The following UTRN variants were observed in gnomAD, a reference collection of about 807,000 sequenced individuals.
UTRN encodes the protein dystrophin-related protein 1.
In UTRN, 283 loss-of-function variants were observed where a neutral mutation model predicts 463.9. That is an observed-to-expected ratio of 0.61 (90% CI 0.55 to 0.67). The LOEUF (loss-of-function observed/expected upper bound fraction) is 0.67. Among genes scored for constraint, UTRN ranks in the 30% least tolerant of loss-of-function variants. The pLI, the probability that UTRN is intolerant of heterozygous loss-of-function variation, is 0.00. For missense variants in UTRN, 3,922 were observed against 4,084.3 expected (o/e 0.96, Z 1.08); for synonymous variants, 1,442 against 1,431.5 (o/e 1.01, Z -0.17).
chr6:144,575,559 GAGAA>G (rs1359959214), intron 50 of UTRN, among the ~76,000 whole-genome samples: 4 of 152,140 alleles, frequency 2.6e-5, no homozygotes, highest in Non-Finnish European at 5.9e-5. Flanking sequence ...AAGAAATCTT[GAGAA>G]AGAGAGAGAT....
Position 144,554,572 on chromosome 6 carries a change from A to G in UTRN, c.6929-116A>G, listed in dbSNP as rs922204137. The G allele has an allele frequency of 3.9e-6, 4 of 1,028,178 alleles. No individual in the cohort carries two copies. The African/African-American group carries it at 6.5e-5, about 17-fold the overall frequency. 63.7% of individuals were successfully genotyped at this position (1,028,178 alleles called of 1,614,324 possible). A position where few individuals can be genotyped will look rare whatever the true frequency, so the allele number is the denominator to read the frequency against. On this transcript the variant is annotated intron_variant, in intron 48 of 74. Transcript: ENST00000367545. The stretch of plus-strand genomic sequence containing the variant: ...AAAATTCCTTCAAAATGTGTTTATC[A>G]GCTTGCCTTCTTCTGTTTATAGACT...
At chr6:144,568,351 GA>G (rs953245342) in intron 50 of UTRN, among the ~76,000 whole-genome samples, 2 of 152,126 alleles carry the variant, frequency 1.3e-5, no homozygotes, top group East Asian at 3.9e-4. Flanking sequence ...AAAAGATTTA[GA>G]AAAAAATTTC....
intron 2 of UTRN, among the ~76,000 whole-genome samples, chr6:144,352,049 G>A (rs1168396421): frequency 1.3e-5 from 2 of 152,058 alleles, no homozygotes; most frequent in African/African-American, 4.8e-5. Context: ...TGTGCCTTTA[G>A]CTTCTCCTTG....
chr6:144,443,314 A>G (rs1326992874), intron 13 of UTRN, among the ~76,000 whole-genome samples: 1 of 152,160 alleles, frequency 6.6e-6, no homozygotes, highest in Non-Finnish European at 1.5e-5. Flanking sequence ...AGTTATTATA[A>G]CCTGAGAGCT....
intron 51 of UTRN, among the ~76,000 whole-genome samples, chr6:144,583,005 T>C (rs1802121037): frequency 6.6e-6 from 1 of 152,188 alleles, no homozygotes; most frequent in African/African-American, 2.4e-5. Context: ...AGTGAACATA[T>C]CCCTCTTTAG....
At chr6:144,577,555 A>C (rs974791090) in intron 51 of UTRN, among the ~76,000 whole-genome samples, 1 of 152,106 alleles carries the variant, frequency 6.6e-6, no homozygotes, top group East Asian at 1.9e-4. Context: ...GCTTTTTGTC[A>C]TTTTAAGCCC....
chr6:144,634,542 GT>G (rs546314304), intron 51 of UTRN, among the ~76,000 whole-genome samples: 16 of 152,142 alleles, frequency 1.1e-4, no homozygotes, highest in Admixed American at 1.0e-3. Context: ...TTGATAATAT[GT>G]TTTTTATTTT....
At chr6:144,628,782 G>T (rs375568396) in intron 51 of UTRN, among the ~76,000 whole-genome samples, 1 of 152,264 alleles carries the variant, frequency 6.6e-6, no homozygotes, top group African/African-American at 2.4e-5. Context: ...CCCTGAGGCT[G>T]AGGATGATAG....
intron 45 of UTRN, among the ~76,000 whole-genome samples, chr6:144,542,060 A>G (rs558200114): frequency 3.3e-4 from 50 of 152,202 alleles, no homozygotes; most frequent in Non-Finnish European, 4.8e-4. Context: ...GTTGCAAACA[A>G]TCTACCACTT....
At chr6:144,436,932 A>ATG (rs968657244) in intron 10 of UTRN, among the ~76,000 whole-genome samples, 3 of 145,300 alleles carry the variant, frequency 2.1e-5, no homozygotes, top group African/African-American at 7.5e-5. Flanking sequence ...GTATATGTAT[A>ATG]TGTGTGTGTA....
At chr6:144,584,517 ATAT>A (rs2128628337) in intron 51 of UTRN, among the ~76,000 whole-genome samples, 1 of 152,172 alleles carries the variant, frequency 6.6e-6, no homozygotes, top group East Asian at 1.9e-4. Flanking sequence ...CTCTAAGAAA[ATAT>A]TATTTTTCTG....
intron 2 of UTRN, among the ~76,000 whole-genome samples, chr6:144,344,746 T>C (rs1419466175): frequency 6.6e-6 from 1 of 152,254 alleles, no homozygotes; most frequent in African/African-American, 2.4e-5. Flanking sequence ...ATTTTACTTC[T>C]TGAAATATTT....
chr6:144,404,891 C>T (rs1783247773), intron 3 of UTRN, among the ~76,000 whole-genome samples: 1 of 152,116 alleles, frequency 6.6e-6, no homozygotes, highest in Admixed American at 6.5e-5. Context: ...TAGTACCAGA[C>T]TAGTTTATTA....
chr6:144,527,442 T>C lies in UTRN; in HGVS notation c.5907-3610T>C, dbSNP rs905304272. On this transcript the variant is annotated intron_variant, in intron 41 of 74. Coordinates refer to ENST00000367545, the MANE Select transcript of UTRN (RefSeq NM_007124.3). Reference sequence around the variant, plus strand: ...AACTGTCAATATTCTTTCCTTCTTATTGACTTTACGTAACCTGATGACCAT... The same window carrying C: ...AACTGTCAATATTCTTTCCTTCTTACTGACTTTACGTAACCTGATGACCAT... Among the ~76,000 whole-genome samples, 8 of 152,360 alleles carry C rather than the reference T, an allele frequency of 5.3e-5. No homozygotes were observed. The South Asian group carries it at 1.4e-3, about 28-fold the overall frequency.
chr6:144,355,456 C>T (rs1017562521), intron 2 of UTRN, among the ~76,000 whole-genome samples: 1 of 152,172 alleles, frequency 6.6e-6, no homozygotes, highest in African/African-American at 2.4e-5. Context: ...GCCTCTGCTT[C>T]CCAAAGTGCT....
intron 2 of UTRN, among the ~76,000 whole-genome samples, chr6:144,343,903 A>G (rs1008034669): frequency 2.6e-5 from 4 of 152,048 alleles, no homozygotes; most frequent in African/African-American, 9.7e-5. Context: ...ATACTGTCAA[A>G]ACAGGAAGCA....
intron 50 of UTRN, among the ~76,000 whole-genome samples, chr6:144,560,225 C>G (rs184506523): frequency 6.6e-6 from 1 of 152,106 alleles, no homozygotes; most frequent in East Asian, 1.9e-4. Context: ...GGAATTCAAG[C>G]TTGACTGGCA....
intron 51 of UTRN, among the ~76,000 whole-genome samples, chr6:144,635,907 T>C (rs1777121736): frequency 6.6e-6 from 1 of 152,158 alleles, no homozygotes; most frequent in Non-Finnish European, 1.5e-5. Flanking sequence ...ACCTAGTCAT[T>C]CTTTCCTTTG....
intron 9 of UTRN, among the ~76,000 whole-genome samples, chr6:144,430,626 C>T (rs1785717635): frequency 6.6e-6 from 1 of 152,064 alleles, no homozygotes; most frequent in South Asian, 2.1e-4. Context: ...TGGTTAAAAC[C>T]ACCAACTTCA....
Sources: allele counts gnomAD v4.1 joint callset (sites outside exome capture counted in the v4.1 genomes callset), GRCh38; gene constraint gnomAD v4.1.1; transcripts MANE v1.5; gene names NCBI Gene and HGNC (gene_info 2026-07-23, HGNC 2026-07-21).